Variants in DHX29 observed in about 807,000 individuals in gnomAD.
The protein encoded by DHX29 is DExH-box helicase 29.
In DHX29, 79 loss-of-function variants were observed where a neutral mutation model predicts 167.9. The ratio of observed to expected loss-of-function variants is 0.47; its 90% CI spans 0.39 to 0.57. DHX29 has a LOEUF of 0.57. Ranked by LOEUF, DHX29 falls within the 20% of genes least tolerant of loss-of-function variation. The pLI, the probability that DHX29 is intolerant of heterozygous loss-of-function variation, is 0.00. For synonymous variants in DHX29, 530 were observed against 546.0 expected (o/e 0.97, Z 0.41); for missense variants, 1,347 against 1,593.4 (o/e 0.85, Z 2.63).
At chr5:55,288,269 G>A (rs1747849436) in intron 8 of DHX29, among the ~76,000 whole-genome samples, 2 of 151,328 alleles carry the variant, frequency 1.3e-5, no homozygotes, top group South Asian at 4.2e-4. Flanking sequence ...CAACAAAAAA[G>A]CTATAATGCA....
chr5:55,307,617 G>T lies in DHX29; in HGVS notation c.-44C>A. On this transcript the variant is annotated 5_prime_UTR_variant, in exon 1 of 27. Coordinates refer to ENST00000251636, the MANE Select transcript of DHX29 (RefSeq NM_019030.4). ...GATCCTTCGCGGCCCAGGCCCCGACGGTACCACTGCACAGCCGAGAGCTCT... is the reference window on the plus strand; with the variant it reads ...GATCCTTCGCGGCCCAGGCCCCGACTGTACCACTGCACAGCCGAGAGCTCT... 6.2e-7 allele frequency: 1 copy of T among 1,606,222 alleles called. No individual in the cohort carries two copies.
At chr5:55,294,495 A>T (rs915814847) in intron 5 of DHX29, among the ~76,000 whole-genome samples, 1 of 152,228 alleles carries the variant, frequency 6.6e-6, no homozygotes, top group African/African-American at 2.4e-5. Flanking sequence ...TAACACGGTG[A>T]AACCCCATCT....
chr5:55,304,711 T>TA (rs112045619), intron 1 of DHX29, among the ~76,000 whole-genome samples: 98 of 148,100 alleles, frequency 6.6e-4, no homozygotes, highest in South Asian at 1.9e-3. Context: ...CAAATGAAAT[T>TA]AAAAAAAAAA....
chr5:55,299,834 C>T (rs962338236), intron 1 of DHX29, among the ~76,000 whole-genome samples: 1 of 152,152 alleles, frequency 6.6e-6, no homozygotes, highest in Admixed American at 6.5e-5. Context: ...GGGGACACTA[C>T]TCACTCAACC....
Position 55,289,314 on chromosome 5 carries a change from A to G in DHX29, c.1022T>C (p.Phe341Ser), listed in dbSNP as rs1322660633. 1 of 1,586,730 alleles carries G rather than the reference A, an allele frequency of 6.3e-7. No homozygotes were observed. The highest frequency in any genetic ancestry group is 1.2e-5 in the South Asian group (1 of 84,906). ...AGCTGCAGATTTTTCAAATAAATTA[A>G]AATTCAATGCACTTTCTCCTTCTGT... Reference protein sequence around the residue: ...VATEGESALNFNLFEKSAAAT... With the variant: ...VATEGESALNSNLFEKSAAAT... The change falls in exon 8 of 27, where the codon TTT becomes TCT. Residue 341 changes from phenylalanine (F) to serine (S), a missense_variant. Physicochemically the swap from Phe to Ser is radical, Grantham distance 155. Around this residue, in one of 3 missense-constraint regions of DHX29, gnomAD observed 405 missense variants for 416.8 expected, o/e 0.97. Coordinates refer to ENST00000251636, the MANE Select transcript of DHX29 (RefSeq NM_019030.4).
rs923326372 is a variant in DHX29 at position 55,307,440 on chromosome 5, G to A, written c.134C>T (p.Pro45Leu). ...GGCAGCGGCAGCGGCAGCGGTGGCC[G>A]GCCTGGACACTGGCTTCTTGCTTTG... ...EAQSKKPVSR[P>L]ATAAAAAAGS... Residue 45 changes from proline (P) to leucine (L), a missense_variant, in exon 1 of 27, where the codon CCG becomes CTG. Coordinates refer to ENST00000251636, the MANE Select transcript of DHX29 (RefSeq NM_019030.4). 7 of 1,613,168 alleles carry A rather than the reference G, an allele frequency of 4.3e-6. No individual in the cohort carries two copies. Among genetic ancestry groups the A allele is most frequent in the Non-Finnish European group, 3.4e-6 (4 of 1,179,888 alleles).
In DHX29 at chr5:55,282,980, T is replaced by C. The variant is rs182552664; in HGVS notation, c.1965+223A>G. ...ATTATAGTTAATATATTTTTTCTTT[T>C]ATATGAGAATTTTAATGACAGAACT... On this transcript the variant is annotated intron_variant, in intron 11 of 26. Transcript: ENST00000251636. 1.3e-5 allele frequency: 5 copies of C among 377,768 alleles called. No homozygotes were observed. The East Asian group carries it at 2.0e-4, about 15-fold the overall frequency. The allele number at this position is 377,768 out of a possible 1,614,324, so 23.4% of individuals were successfully genotyped here.
At chr5:55,286,747 T>G (rs568557780) in intron 8 of DHX29, among the ~76,000 whole-genome samples, 1 of 152,370 alleles carries the variant, frequency 6.6e-6, no homozygotes, top group East Asian at 1.9e-4. Flanking sequence ...GTTTCTTAGT[T>G]ACATTTCAAA....
chr5:55,262,548 A>C, intron 24 of DHX29, 82 bp downstream of exon 24: 1 of 1,492,804 alleles, frequency 6.7e-7, no homozygotes, highest in African/African-American at 1.4e-5. Flanking sequence ...CAAATAAAAT[A>C]CCTGTTAGGG....
intron 4 of DHX29, among the ~76,000 whole-genome samples, chr5:55,295,848 C>G (rs1748295129): frequency 6.6e-6 from 1 of 152,190 alleles, no homozygotes; most frequent in South Asian, 2.1e-4. Flanking sequence ...TCCTTAGTCA[C>G]CACAAGCCAT....
chr5:55,290,312 C>A lies in DHX29; in HGVS notation c.813G>T (p.Leu271=). ...NERYLHLAAK[L]LDAKEQAATF... The stretch of plus-strand genomic sequence containing the variant: ...TAGCTGCTTGTTCTTTTGCATCCAG[C>A]AGTTTTGCTGCAAGATGTAAGTACC... The change falls in exon 7 of 27, where the codon CTG becomes CTT. Residue 271 remains leucine, a synonymous_variant. Transcript: ENST00000251636. 2 of 1,611,034 alleles carry A rather than the reference C, an allele frequency of 1.2e-6. No homozygotes were observed. The highest frequency in any genetic ancestry group is 1.7e-6 in the Non-Finnish European group (2 of 1,179,420).
intron 18 of DHX29, 144 bp from the exon 19 acceptor site, chr5:55,270,850 A>C: frequency 3.2e-6 from 2 of 619,520 alleles, no homozygotes; most frequent in Non-Finnish European, 5.7e-6. Context: ...ATTATGCTTC[A>C]TATTTAAATA....
intron 12 of DHX29, among the ~76,000 whole-genome samples, chr5:55,277,789 C>A (rs941706725): frequency 4.0e-5 from 6 of 151,536 alleles, no homozygotes. Context: ...ACCTGTAATC[C>A]CAGCTACCCG....
chr5:55,302,114 T>C (rs1161546004), intron 1 of DHX29, among the ~76,000 whole-genome samples: 1 of 152,212 alleles, frequency 6.6e-6, no homozygotes, highest in Non-Finnish European at 1.5e-5. Flanking sequence ...AGTTTCCTTA[T>C]CGTCTAGTCT....
rs1322680705 is a variant in DHX29 at position 55,300,591 on chromosome 5, T to C, written c.188-1927A>G. Among the ~76,000 whole-genome samples, 4 of 152,086 alleles carry C rather than the reference T, an allele frequency of 2.6e-5. No individual in the cohort carries two copies. The South Asian group carries it at 8.3e-4, about 32-fold the overall frequency. On this transcript the variant is annotated intron_variant, in intron 1 of 26. Coordinates refer to ENST00000251636, the MANE Select transcript of DHX29 (RefSeq NM_019030.4). ...GGGAAGCTGAGGCAGGAGAACTGCT[T>C]TAACCCAGGAGGCAGAGGTTGCAGT... is the stretch of plus-strand genomic sequence containing the variant.
At chr5:55,296,496 T>C in intron 3 of DHX29, 147 bp from the exon 4 acceptor site, 2 of 1,089,882 alleles carry the variant, frequency 1.8e-6, no homozygotes, top group Admixed American at 3.5e-5. Context: ...ATGAAATGTG[T>C]TTACTGAATT....
At chr5:55,299,593 C>G (rs1281829099) in intron 1 of DHX29, among the ~76,000 whole-genome samples, 1 of 152,104 alleles carries the variant, frequency 6.6e-6, no homozygotes, top group African/African-American at 2.4e-5. Flanking sequence ...ATCGTTCCTT[C>G]CCCCTTCCAG....
At chr5:55,303,903 T>A (rs1349540790) in intron 1 of DHX29, among the ~76,000 whole-genome samples, 1 of 152,244 alleles carries the variant, frequency 6.6e-6, no homozygotes, top group African/African-American at 2.4e-5. Context: ...AAATTTATAA[T>A]GGCTTTCATA....
chr5:55,289,058 G>A (rs2111924910), intron 8 of DHX29, among the ~76,000 whole-genome samples: 2 of 152,284 alleles, frequency 1.3e-5, no homozygotes, highest in Middle Eastern at 6.8e-3. Flanking sequence ...AGAGAGAGAT[G>A]AGACTGAGGC....
Sources: allele counts gnomAD v4.1 joint callset (sites outside exome capture counted in the v4.1 genomes callset), GRCh38; gene constraint gnomAD v4.1.1; regional missense constraint gnomAD v4.1.1; transcripts MANE v1.5; gene names NCBI Gene and HGNC (gene_info 2026-07-23, HGNC 2026-07-21).